Variants in COL5A1 observed in about 807,000 individuals in gnomAD.
The protein encoded by COL5A1 is collagen alpha-1(V) chain.
In COL5A1, 16 loss-of-function variants were observed where a neutral mutation model predicts 263.7. The ratio of observed to expected loss-of-function variants is 0.06; its 90% CI spans 0.04 to 0.09. The LOEUF (loss-of-function observed/expected upper bound fraction) is 0.09. Ranked by LOEUF, COL5A1 falls within the 10% of genes least tolerant of loss-of-function variation. The pLI, the probability that COL5A1 is intolerant of heterozygous loss-of-function variation, is 1.00. For synonymous variants in COL5A1, 1,012 were observed against 1,004.5 expected (o/e 1.01, Z -0.14); for missense variants, 2,036 against 2,540.5 (o/e 0.80, Z 4.27).
intron 4 of COL5A1, among the ~76,000 whole-genome samples, chr9:134,704,243 G>A (rs771766150): frequency 6.6e-6 from 1 of 152,022 alleles, no homozygotes; most frequent in Non-Finnish European, 1.5e-5. Flanking sequence ...TTGTCTGACC[G>A]CTCCGAGACT....
intron 9 of COL5A1, among the ~76,000 whole-genome samples, chr9:134,736,532 G>A (rs2132651769): frequency 6.6e-6 from 1 of 152,336 alleles, no homozygotes; most frequent in South Asian, 2.1e-4. Context: ...CAACACGGTT[G>A]CATTGAGGAT....
intron 4 of COL5A1, 118 bp from the exon 5 acceptor site, chr9:134,727,148 G>A: frequency 1.9e-6 from 2 of 1,073,612 alleles, no homozygotes; most frequent in Non-Finnish European, 2.8e-6. Context: ...CTGAGGACAA[G>A]CTCGTCTTGT....
intron 43 of COL5A1, among the ~76,000 whole-genome samples, chr9:134,809,665 A>G (rs999666786): frequency 6.6e-6 from 1 of 152,240 alleles, no homozygotes; most frequent in Non-Finnish European, 1.5e-5. Flanking sequence ...CTATTTTTAA[A>G]TGTCTCCGCT....
Position 134,745,036 on chromosome 9 carries a change from C to T in COL5A1, c.1495-5506C>T, listed in dbSNP as rs55871863. Reference sequence around the variant, plus strand: ...GTGCCCGAATCCCCAGCAGCCTGGTCGTGAATGACTTCTGGCCATTTCGAG... The same window carrying T: ...GTGCCCGAATCCCCAGCAGCCTGGTTGTGAATGACTTCTGGCCATTTCGAG... On this transcript the variant is annotated intron_variant, in intron 11 of 65. Coordinates refer to ENST00000371817, the MANE Select transcript of COL5A1 (RefSeq NM_000093.5). Among the ~76,000 whole-genome samples, 455 of 152,322 alleles carry T rather than the reference C, an allele frequency of 3.0e-3. 4 individuals carry two copies. The highest frequency in any genetic ancestry group is 5.1e-3 in the Non-Finnish European group (348 of 68,038).
intron 1 of COL5A1, among the ~76,000 whole-genome samples, chr9:134,670,577 AC>A (rs913424019): frequency 1.3e-4 from 20 of 151,770 alleles, no homozygotes; most frequent in African/African-American, 4.8e-4. Context: ...CGTCTTGGAG[AC>A]CCTTTTAGGC....
At chr9:134,675,914 G>A (rs763265571) in intron 1 of COL5A1, among the ~76,000 whole-genome samples, 2 of 152,172 alleles carry the variant, frequency 1.3e-5, no homozygotes, top group Non-Finnish European at 2.9e-5. Context: ...CTTCCATCAC[G>A]ATCTATCAGT....
rs2132455334 is a variant in COL5A1 at position 134,642,402 on chromosome 9, G to C, written c.109+106G>C. 4.5e-6 allele frequency: 1 copy of C among 221,368 alleles called. No homozygotes were observed. The highest frequency in any genetic ancestry group is 2.3e-5 in the African/African-American group (1 of 43,060). The allele number at this position is 221,368 out of a possible 1,614,324, so 13.7% of individuals were successfully genotyped here. On this transcript the variant is annotated intron_variant, in intron 1 of 65. Coordinates refer to ENST00000371817, the MANE Select transcript of COL5A1 (RefSeq NM_000093.5). The surrounding 1 kb of genome is among the most constrained non-coding windows in gnomAD (Gnocchi z 4.5). The stretch of plus-strand genomic sequence containing the variant: ...CCGCAGAACTTTTCTTCCTTGGCCT[G>C]TGGAATGCACGGGCCAAGACCACGA...
At chr9:134,815,676 C>T (rs761357008) in intron 51 of COL5A1, 47 bp downstream of exon 51, 23 of 1,588,440 alleles carry the variant, frequency 1.4e-5, no homozygotes, top group Non-Finnish European at 1.8e-5. Flanking sequence ...ACAGTGCTGG[C>T]CTGCCTCTGC....
At chr9:134,750,461 C>A in intron 11 of COL5A1, 81 bp from the exon 12 acceptor site, 1 of 1,328,988 alleles carries the variant, frequency 7.5e-7, no homozygotes, top group Non-Finnish European at 1.1e-6. Context: ...TGGGCCGCTT[C>A]TCCGACGCCC....
rs1357750311 is a variant in COL5A1, at chr9:134,652,698, G to C, written c.109+10402G>C. 1 of 470,772 alleles carries C rather than the reference G, an allele frequency of 2.1e-6. No individual in the cohort carries two copies. The highest frequency in any genetic ancestry group is 4.4e-6 in the Non-Finnish European group (1 of 226,962). 29.2% of individuals were successfully genotyped at this position (470,772 alleles called of 1,614,324 possible). On this transcript the variant is annotated intron_variant, in intron 1 of 65. Transcript: ENST00000371817. The surrounding 1 kb of genome is among the most constrained non-coding windows in gnomAD (Gnocchi z 4.4). ...ATAGAGGAAGCAAAGGTGAGATTCC[G>C]TGGCCTCACCCCATGGTCTTCTCAT... is the stretch of plus-strand genomic sequence containing the variant.
At chr9:134,803,945 G>T (rs1013024994) in intron 39 of COL5A1, among the ~76,000 whole-genome samples, 10 of 152,108 alleles carry the variant, frequency 6.6e-5, no homozygotes, top group African/African-American at 2.4e-4. Context: ...AGCTCCAACT[G>T]CCCCCTTTTC....
intron 27 of COL5A1, among the ~76,000 whole-genome samples, chr9:134,777,670 C>T (rs915757141): frequency 2.0e-5 from 3 of 152,178 alleles, no homozygotes; most frequent in Non-Finnish European, 2.9e-5. Flanking sequence ...CAGGAGGCTG[C>T]GGTCCTACCT....
intron 4 of COL5A1, among the ~76,000 whole-genome samples, chr9:134,723,595 C>A (rs1834543331): frequency 6.6e-6 from 1 of 152,192 alleles, no homozygotes; most frequent in Admixed American, 6.5e-5. Context: ...ATGGAGGTGA[C>A]AGAAATTTCC....
At chr9:134,786,870 A>T (rs965121481) in intron 31 of COL5A1, among the ~76,000 whole-genome samples, 1 of 152,102 alleles carries the variant, frequency 6.6e-6, no homozygotes, top group Admixed American at 6.6e-5. Flanking sequence ...GTCTCACTGG[A>T]GCAGTCTTGT....
intron 11 of COL5A1, among the ~76,000 whole-genome samples, chr9:134,747,894 TACAC>T (rs201871005): frequency 2.3e-5 from 3 of 133,096 alleles, no homozygotes; most frequent in Non-Finnish European, 4.8e-5. Flanking sequence ...CATGCATTCA[TACAC>T]ACATGCAGAC....
Position 134,652,921 on chromosome 9 carries a change from GA to G in COL5A1, c.109+10626del, listed in dbSNP as rs1268266870. On this transcript the variant is annotated intron_variant, in intron 1 of 65. Coordinates refer to ENST00000371817, the MANE Select transcript of COL5A1 (RefSeq NM_000093.5). This position sits in a 1 kb window ranked among gnomAD's most constrained non-coding sequence, Gnocchi z 4.4. ...GCATTTCTAACGAAGTCAGTTCCCA[GA>G]CCACGCGGATGCTGGAGCGTCTGGG... 6.1e-6 allele frequency: 2 copies of G among 330,276 alleles called. No homozygotes were observed. The highest frequency in any genetic ancestry group is 1.2e-5 in the Non-Finnish European group (2 of 163,048). 20.5% of individuals were successfully genotyped at this position (330,276 alleles called of 1,614,324 possible).
intron 1 of COL5A1, among the ~76,000 whole-genome samples, chr9:134,664,844 CTG>C (rs1218111029): frequency 6.6e-6 from 1 of 152,120 alleles, no homozygotes; most frequent in African/African-American, 2.4e-5. Context: ...GGTGGATCAA[CTG>C]AGCCCAGGAG....
At chr9:134,790,597 TCCAC>T (rs1176568360) in intron 32 of COL5A1, among the ~76,000 whole-genome samples, 126 of 65,734 alleles carry the variant, frequency 1.9e-3, no homozygotes, top group South Asian at 4.1e-3. Flanking sequence ...CATCTATCCA[TCCAC>T]CCACCCATCC....
At chr9:134,738,607 G>A (rs1588488382) in intron 10 of COL5A1, 92 bp downstream of exon 10, 1 of 1,572,230 alleles carries the variant, frequency 6.4e-7, no homozygotes, top group South Asian at 1.1e-5. Context: ...ATGGAAAAGA[G>A]GGGGGCTCTC....
Sources: allele counts gnomAD v4.1 joint callset (sites outside exome capture counted in the v4.1 genomes callset), GRCh38; gene constraint gnomAD v4.1.1; non-coding constraint Gnocchi (gnomAD v3.1); transcripts MANE v1.5; gene names NCBI Gene and HGNC (gene_info 2026-07-23, HGNC 2026-07-21).